WDR25: variants seen among roughly 807,000 people sequenced by gnomAD.
WDR25 encodes the protein WD repeat domain 25.
Under a neutral mutation model 47.7 loss-of-function variants are expected in WDR25, and 35 were observed. The ratio of observed to expected loss-of-function variants is 0.73; its 90% CI spans 0.56 to 0.97. The LOEUF (loss-of-function observed/expected upper bound fraction) is 0.97, where lower values mean the gene tolerates loss of function less well. Among genes scored for constraint, WDR25 ranks in the 50% least tolerant of loss-of-function variants. The pLI, the probability that WDR25 is intolerant of heterozygous loss-of-function variation, is 0.00. For synonymous variants in WDR25, 248 were observed against 278.9 expected (o/e 0.89, Z 1.10); for missense variants, 634 against 704.7 (o/e 0.90, Z 1.14).
chr14:100,449,920 C>G lies in WDR25; in HGVS notation c.823-18101C>G. On this transcript the variant is annotated intron_variant, in intron 2 of 6. Transcript: ENST00000402312. The surrounding 1 kb of genome is among the most constrained non-coding windows in gnomAD (Gnocchi z 4.2). ...GCCTTCTCCCCTGCTCCCCTTCTGCCTCACTCCCCTCTAATCCACCTGTAA... is the reference window on the plus strand; with the variant it reads ...GCCTTCTCCCCTGCTCCCCTTCTGCGTCACTCCCCTCTAATCCACCTGTAA... 6.6e-6 allele frequency among the ~76,000 whole-genome samples: 1 copy of G among 152,194 alleles called. No homozygotes were observed. The highest frequency in any genetic ancestry group is 6.5e-5 in the Admixed American group (1 of 15,286).
chr14:100,484,407 G>T (rs751604300), intron 4 of WDR25, among the ~76,000 whole-genome samples: 9 of 152,148 alleles, frequency 5.9e-5, no homozygotes, highest in Admixed American at 5.9e-4. Flanking sequence ...AAATGAATCT[G>T]CTGGGTTACT....
At chr14:100,487,077 A>G (rs1229598618) in intron 4 of WDR25, among the ~76,000 whole-genome samples, 2 of 152,086 alleles carry the variant, frequency 1.3e-5, no homozygotes, top group Middle Eastern at 6.3e-3. Context: ...TTCATGTAGC[A>G]TTAGAAGGAT....
chr14:100,514,955 A>G (rs1467149735), intron 4 of WDR25, among the ~76,000 whole-genome samples: 1 of 152,196 alleles, frequency 6.6e-6, no homozygotes, highest in Non-Finnish European at 1.5e-5. Context: ...TCTTTTGTCT[A>G]AAAGATATTT....
Position 100,502,715 on chromosome 14 carries a change from C to T in WDR25, c.1101+18591C>T, listed in dbSNP as rs949950244. On this transcript the variant is annotated intron_variant, in intron 4 of 6. Transcript: ENST00000402312. This position sits in a 1 kb window ranked among gnomAD's most constrained non-coding sequence, Gnocchi z 4.5. The stretch of plus-strand genomic sequence containing the variant: ...TCCACAGAGTACATCGTGATGGGAA[C>T]TGCTTGGGGGCTAATGAAAGACTCA... 6.6e-6 allele frequency among the ~76,000 whole-genome samples: 1 copy of T among 152,208 alleles called. No individual in the cohort carries two copies.
intron 2 of WDR25, among the ~76,000 whole-genome samples, chr14:100,417,544 C>T (rs890596319): frequency 1.3e-5 from 2 of 152,208 alleles, no homozygotes; most frequent in Non-Finnish European, 2.9e-5. Context: ...GCTCCCCTTT[C>T]CAGTTCTGAG....
chr14:100,442,668 G>A (rs1401648884), intron 2 of WDR25, among the ~76,000 whole-genome samples: 1 of 152,128 alleles, frequency 6.6e-6, no homozygotes, highest in African/African-American at 2.4e-5. Context: ...TTTAATAAAA[G>A]TATGCAGTTT....
intron 2 of WDR25, among the ~76,000 whole-genome samples, chr14:100,405,178 T>TC (rs1897496992): frequency 6.7e-6 from 1 of 150,286 alleles, no homozygotes; most frequent in Non-Finnish European, 1.5e-5. Flanking sequence ...CTTTTTTTTT[T>TC]GAGATGGAGT....
chr14:100,457,151 C>T (rs1899231332), intron 2 of WDR25, among the ~76,000 whole-genome samples: 1 of 152,110 alleles, frequency 6.6e-6, no homozygotes, highest in East Asian at 1.9e-4. Context: ...GACAGGGTTT[C>T]ACCATATAGG....
At position 100,382,811 on chromosome 14, in the gene WDR25, G is replaced by A. The variant is rs555985626; in HGVS notation, c.822+1065G>A. Reference sequence around the variant, plus strand: ...TTTGCTGCAGAGTAGCTAGCTGGTCGACCACTGGCCGGCTGCCTTCCTGTG... The same window carrying A: ...TTTGCTGCAGAGTAGCTAGCTGGTCAACCACTGGCCGGCTGCCTTCCTGTG... On this transcript the variant is annotated intron_variant, in intron 2 of 6. Coordinates refer to ENST00000402312, the MANE Select transcript of WDR25 (RefSeq NM_001161476.3). Among the ~76,000 whole-genome samples the A allele has an allele frequency of 4.6e-5, 7 of 152,328 alleles. No homozygotes were observed. The South Asian group carries it at 6.2e-4, about 14-fold the overall frequency.
Position 100,529,336 on chromosome 14 carries a change from G to A in WDR25, c.1413+128G>A. 1 of 1,402,866 alleles carries A rather than the reference G, an allele frequency of 7.1e-7. No homozygotes were observed. Among genetic ancestry groups the A allele is most frequent in the Middle Eastern group, 1.8e-4 (1 of 5,620 alleles). The allele number at this position is 1,402,866 out of a possible 1,614,324, so 86.9% of individuals were successfully genotyped here. On this transcript the variant is annotated intron_variant, in intron 6 of 6. Coordinates refer to ENST00000402312, the MANE Select transcript of WDR25 (RefSeq NM_001161476.3). The surrounding 1 kb of genome is among the most constrained non-coding windows in gnomAD (Gnocchi z 5.1). ...GGATCCTGCTTTCTGTTTCCTGGGT[G>A]AGCGCATGCCATGTGGCTCACTGTC...
At chr14:100,517,106 GTTTTT>G in intron 4 of WDR25, among the ~76,000 whole-genome samples, 1 of 65,892 alleles carries the variant, frequency 1.5e-5, no homozygotes, top group East Asian at 4.4e-4. Flanking sequence ...TATCTCCTCT[GTTTTT>G]TTTTTTTTTT....
intron 2 of WDR25, chr14:100,382,172 G>C (rs780384611): frequency 2.7e-5 from 19 of 702,842 alleles, no homozygotes; most frequent in Non-Finnish European, 2.6e-6. Context: ...CCAGCCCCTG[G>C]TGTCAGGGCT....
intron 2 of WDR25, among the ~76,000 whole-genome samples, chr14:100,394,452 C>T (rs975558530): frequency 6.6e-6 from 1 of 152,216 alleles, no homozygotes; most frequent in Non-Finnish European, 1.5e-5. Context: ...AGAAAGCACT[C>T]AGTGGCAGTG....
chr14:100,389,557 A>C (rs1207891829), intron 2 of WDR25, among the ~76,000 whole-genome samples: 1 of 152,204 alleles, frequency 6.6e-6, no homozygotes, highest in Non-Finnish European at 1.5e-5. Flanking sequence ...CCTGAGGGGC[A>C]GTCAGAAGGT....
Position 100,509,035 on chromosome 14 carries a change from C to T in WDR25, c.1102-16835C>T, listed in dbSNP as rs578157254. On this transcript the variant is annotated intron_variant, in intron 4 of 6. Coordinates refer to ENST00000402312, the MANE Select transcript of WDR25 (RefSeq NM_001161476.3). Reference sequence around the variant, plus strand: ...TGTTAATGAGGATTATTGATCGATACATTTTTTCCTATATTCTTTGTCTCA... The same window carrying T: ...TGTTAATGAGGATTATTGATCGATATATTTTTTCCTATATTCTTTGTCTCA... 9.2e-5 allele frequency among the ~76,000 whole-genome samples: 14 copies of T among 152,166 alleles called. No homozygotes were observed. In the East Asian group the frequency reaches 2.7e-3, roughly 29 times the overall value.
In WDR25 at chr14:100,392,347, C is replaced by T. The variant is rs972799612; in HGVS notation, c.822+10601C>T. Among the ~76,000 whole-genome samples, 1 of 151,712 alleles carries T rather than the reference C, an allele frequency of 6.6e-6. No individual in the cohort carries two copies. The highest frequency in any genetic ancestry group is 2.4e-5 in the African/African-American group (1 of 41,338). ...CTGGGATAAGTGAGTGGGTTCTTTT[C>T]CAGCCACGTCTCTGTCTTCTTCTGC... On this transcript the variant is annotated intron_variant, in intron 2 of 6. Coordinates refer to ENST00000402312, the MANE Select transcript of WDR25 (RefSeq NM_001161476.3). The surrounding 1 kb of genome is among the most constrained non-coding windows in gnomAD (Gnocchi z 4.2).
chr14:100,473,326 G>T (rs1595125129), intron 3 of WDR25, among the ~76,000 whole-genome samples: 1 of 152,292 alleles, frequency 6.6e-6, no homozygotes, highest in Non-Finnish European at 1.5e-5. Flanking sequence ...CATGGTCAGT[G>T]ACTTTCTTGA....
intron 2 of WDR25, among the ~76,000 whole-genome samples, chr14:100,390,245 A>G (rs927802137): frequency 6.6e-6 from 1 of 151,626 alleles, no homozygotes; most frequent in Non-Finnish European, 1.5e-5. Context: ...GAGTTCTTTG[A>G]AAGTTTTCCT....
chr14:100,414,609 G>A (rs1361473643), intron 2 of WDR25, among the ~76,000 whole-genome samples: 3 of 151,888 alleles, frequency 2.0e-5, no homozygotes, highest in Admixed American at 6.6e-5. Flanking sequence ...CACCGCACCC[G>A]GCCGCCTAGA....
Sources: allele counts gnomAD v4.1 joint callset (sites outside exome capture counted in the v4.1 genomes callset), GRCh38; gene constraint gnomAD v4.1.1; non-coding constraint Gnocchi (gnomAD v3.1); transcripts MANE v1.5; gene names NCBI Gene and HGNC (gene_info 2026-07-23, HGNC 2026-07-21).